FAT3: variants seen among roughly 807,000 people sequenced by gnomAD.
FAT3 encodes the protein FAT atypical cadherin 3.
FAT3 carries 95 observed loss-of-function variants against 310.2 expected under a neutral mutation model. The ratio of observed to expected loss-of-function variants is 0.31; its 90% confidence interval spans 0.26 to 0.36. The LOEUF is 0.36. Ranked by LOEUF, FAT3 falls within the 10% of genes least tolerant of loss-of-function variation. The probability of loss-of-function intolerance (pLI) is 1.00; values close to 1 mark genes in which losing one functional copy is unlikely to be tolerated. For synonymous variants in FAT3, 2,314 were observed against 2,192.9 expected, an observed-to-expected ratio of 1.06 and a Z score of -1.54; for missense variants, 5,408 against 5,715.6, an observed-to-expected ratio of 0.95 and a Z score of 1.74.
chr11:92,670,404 C>G (rs1167973458), intron 3 of FAT3, among the ~76,000 whole-genome samples: 2 of 152,184 alleles, frequency 1.3e-5, no homozygotes, highest in Non-Finnish European at 2.9e-5. Flanking sequence ...ACTGTGCAGC[C>G]TTTTCCAGAT....
At chr11:92,646,310 A>G (rs1745545878) in intron 3 of FAT3, among the ~76,000 whole-genome samples, 1 of 152,204 alleles carries the variant, frequency 6.6e-6, no homozygotes, top group Non-Finnish European at 1.5e-5. Context: ...CATGGCTTAG[A>G]ATTTCTACAA....
At chr11:92,334,221 C>T (rs956611332) in intron 1 of FAT3, among the ~76,000 whole-genome samples, 25 of 151,996 alleles carry the variant, frequency 1.6e-4, no homozygotes, top group Admixed American at 4.6e-4. Flanking sequence ...ACTAAAAATA[C>T]GAAAATTAGC....
chr11:92,444,196 C>A (rs1951154456), intron 2 of FAT3, among the ~76,000 whole-genome samples: 1 of 152,042 alleles, frequency 6.6e-6, no homozygotes, highest in Non-Finnish European at 1.5e-5. Context: ...CCTTTCTCAT[C>A]TGTTGTTTTC....
Position 92,736,299 on chromosome 11 carries a change from T to C in FAT3, c.3670-25557T>C, listed in dbSNP as rs564945295. Among the ~76,000 whole-genome samples the C allele has an allele frequency of 6.6e-5, 10 of 152,224 alleles. No homozygotes were observed. The South Asian group carries it at 1.9e-3, about 28-fold the overall frequency. On this transcript the variant is annotated intron_variant, in intron 4 of 27. Transcript: ENST00000525166. ...TACCAGTTTTGGGAAATGATAAGGA[T>C]AATGACATTCCTGACCCCAGCCTTC...
intron 2 of FAT3, chr11:92,407,974 T>G (rs1479837858): frequency 2.0e-5 from 3 of 152,124 alleles, no homozygotes; most frequent in Admixed American, 6.6e-5. Context: ...GGCAAAGAGC[T>G]TTAAAATGGG....
chr11:92,511,266 A>G (rs776283473), intron 2 of FAT3, among the ~76,000 whole-genome samples: 1 of 152,228 alleles, frequency 6.6e-6, no homozygotes, highest in Admixed American at 6.5e-5. Context: ...AGCTTGAATT[A>G]TCACTTCTTC....
chr11:92,553,552 A>G (rs1306276834), intron 3 of FAT3, among the ~76,000 whole-genome samples: 3 of 152,230 alleles, frequency 2.0e-5, no homozygotes, highest in African/African-American at 7.2e-5. Flanking sequence ...CATTAAAACC[A>G]GATGTTTCTG....
intron 3 of FAT3, among the ~76,000 whole-genome samples, chr11:92,567,198 A>G (rs544034021): frequency 2.4e-5 from 1 of 41,052 alleles, no homozygotes; most frequent in African/African-American, 7.2e-5. Context: ...CAAGAAAAAA[A>G]CAAAACCCCA....
chr11:92,493,184 T>C (rs995581085), intron 2 of FAT3, among the ~76,000 whole-genome samples: 1 of 152,088 alleles, frequency 6.6e-6, no homozygotes, highest in African/African-American at 2.4e-5. Context: ...ATGAATATTT[T>C]TTCCCCAATC....
chr11:92,263,385 A>T (rs1200794061), intron 1 of FAT3, among the ~76,000 whole-genome samples: 1 of 152,000 alleles, frequency 6.6e-6, no homozygotes, highest in Non-Finnish European at 1.5e-5. Context: ...GTTACATTAG[A>T]CAGTTGTATA....
chr11:92,416,685 G>C lies in FAT3; in HGVS notation c.3292+61281G>C, dbSNP rs550378273. ...TGAAAACAGTTCAAATAGAAAGCCA[G>C]TCCTTGGAAAGCAGTTAACATCTAA... On this transcript the variant is annotated intron_variant, in intron 2 of 27. Transcript: ENST00000525166. Among the ~76,000 whole-genome samples the C allele has an allele frequency of 2.0e-5, 3 of 152,308 alleles. No homozygotes were observed. The East Asian group carries it at 5.8e-4, about 29-fold the overall frequency.
chr11:92,463,851 G>A (rs963362540), intron 2 of FAT3, among the ~76,000 whole-genome samples: 2 of 152,092 alleles, frequency 1.3e-5, no homozygotes, highest in African/African-American at 2.4e-5. Flanking sequence ...CCTTTCTGTC[G>A]GTGTGACATT....
intron 1 of FAT3, among the ~76,000 whole-genome samples, chr11:92,346,892 G>A (rs558763588): frequency 1.1e-4 from 16 of 152,156 alleles, no homozygotes; most frequent in Non-Finnish European, 1.9e-4. Context: ...AAAATAAAAC[G>A]TAGAGTAGGT....
At chr11:92,418,609 C>T (rs377141788) in intron 2 of FAT3, among the ~76,000 whole-genome samples, 1 of 152,114 alleles carries the variant, frequency 6.6e-6, no homozygotes, top group East Asian at 1.9e-4. Flanking sequence ...GAGTCTGCCT[C>T]ACTGTACTTG....
At chr11:92,611,511 G>A (rs916263356) in intron 3 of FAT3, among the ~76,000 whole-genome samples, 4 of 152,130 alleles carry the variant, frequency 2.6e-5, no homozygotes, top group Admixed American at 6.5e-5. Flanking sequence ...GGGTTCAAGC[G>A]ATTCTTGTGC....
intron 1 of FAT3, among the ~76,000 whole-genome samples, chr11:92,332,965 T>C (rs529734677): frequency 6.6e-6 from 1 of 152,306 alleles, no homozygotes; most frequent in East Asian, 1.9e-4. Context: ...TTCATAAATG[T>C]TGGCTGAATT....
At chr11:92,829,561 C>T (rs1023387762) in intron 13 of FAT3, among the ~76,000 whole-genome samples, 5 of 152,096 alleles carry the variant, frequency 3.3e-5, no homozygotes, top group African/African-American at 7.2e-5. Flanking sequence ...CTATGCAACC[C>T]GTGTGTGTAT....
At chr11:92,772,342 G>A (rs1042311467) in intron 6 of FAT3, among the ~76,000 whole-genome samples, 2 of 151,944 alleles carry the variant, frequency 1.3e-5, no homozygotes, top group East Asian at 1.9e-4. Flanking sequence ...AGAATGTACC[G>A]CTTAATAGCA....
At chr11:92,575,714 A>G (rs1938445517) in intron 3 of FAT3, among the ~76,000 whole-genome samples, 1 of 152,160 alleles carries the variant, frequency 6.6e-6, no homozygotes, top group Non-Finnish European at 1.5e-5. Flanking sequence ...GTGAATAAAT[A>G]TATACCTCTT....
Sources: allele counts gnomAD v4.1 joint callset (sites outside exome capture counted in the v4.1 genomes callset), GRCh38; gene constraint gnomAD v4.1.1; transcripts MANE v1.5; gene names NCBI Gene and HGNC (gene_info 2026-07-23, HGNC 2026-07-21).